GLI3: variants seen among roughly 807,000 people sequenced by gnomAD.
GLI3 encodes GLI family zinc finger 3.
GLI3 carries 20 observed loss-of-function variants against 100.8 expected under a neutral mutation model. The observed-to-expected ratio is 0.20, with a 90% CI of 0.14 to 0.29. GLI3 has a LOEUF of 0.29. Among genes scored for constraint, GLI3 ranks in the 10% least tolerant of loss-of-function variants. GLI3 has a pLI of 1.00. For synonymous variants in GLI3, 938 were observed against 860.5 expected, an observed-to-expected ratio of 1.09 and a Z score of -1.58; for missense variants, 2,040 against 2,128.5, an observed-to-expected ratio of 0.96 and a Z score of 0.82.
intron 2 of GLI3, among the ~76,000 whole-genome samples, chr7:42,208,997 T>G (rs1788210885): frequency 6.6e-6 from 1 of 152,234 alleles, no homozygotes. Context: ...AAAATCTCCC[T>G]GAATTTGTAC....
At chr7:42,101,607 A>T (rs953146923) in intron 3 of GLI3, among the ~76,000 whole-genome samples, 4 of 148,678 alleles carry the variant, frequency 2.7e-5, no homozygotes, top group Non-Finnish European at 6.0e-5. Context: ...CTCTGTCTCA[A>T]TTTTTTTTTT....
At chr7:42,256,527 G>A (rs746797231) in intron 1 of GLI3, among the ~76,000 whole-genome samples, 18 of 152,088 alleles carry the variant, frequency 1.2e-4, no homozygotes, top group Non-Finnish European at 2.4e-4. Flanking sequence ...TGTACCAATC[G>A]TTGAAAAGAC....
chr7:42,259,564 T>C (rs1396969546), intron 1 of GLI3, among the ~76,000 whole-genome samples: 2 of 152,228 alleles, frequency 1.3e-5, no homozygotes, highest in Non-Finnish European at 2.9e-5. Flanking sequence ...AAGTTCACAA[T>C]GTATTGTTTT....
chr7:41,965,029 A>T lies in GLI3; in HGVS notation c.4044T>A (p.Ile1348=). The change falls in exon 15 of 15, where the codon ATT becomes ATA. Residue 1348 remains isoleucine (I), a synonymous_variant. Coordinates refer to ENST00000395925, the MANE Select transcript of GLI3 (RefSeq NM_000168.6). ...AGATGTTGATGTGTGAGGTAGCACT[A>T]ATCTGCCCAAGCATCTGCTGACCGG... ...GRPGQQMLGQ[I]SATSHINIYQ... 1 of 1,613,866 alleles carries T rather than the reference A, an allele frequency of 6.2e-7. No homozygotes were observed. Among genetic ancestry groups the T allele is most frequent in the Non-Finnish European group, 8.5e-7 (1 of 1,179,988 alleles).
intron 6 of GLI3, among the ~76,000 whole-genome samples, chr7:42,043,388 T>C (rs901051918): frequency 1.3e-5 from 2 of 152,176 alleles, no homozygotes; most frequent in African/African-American, 4.8e-5. Context: ...GGACAGTGAT[T>C]TGGGATACTC....
At chr7:42,017,352 G>A (rs1349072384) in intron 10 of GLI3, among the ~76,000 whole-genome samples, 4 of 152,158 alleles carry the variant, frequency 2.6e-5, no homozygotes, top group Non-Finnish European at 4.4e-5. Context: ...ACAGTTACTC[G>A]GAGGAAGATT....
intron 2 of GLI3, 97 bp from the exon 3 acceptor site, chr7:42,148,565 C>T (rs1562758361): frequency 9.4e-6 from 11 of 1,171,416 alleles, no homozygotes; most frequent in South Asian, 1.2e-5. Context: ...ATCCCTCTCC[C>T]GGAAAAGAAG....
upstream of GLI3, among the ~76,000 whole-genome samples, chr7:42,242,294 C>A (rs761503957): frequency 1.3e-5 from 2 of 152,228 alleles, no homozygotes; most frequent in Non-Finnish European, 2.9e-5. Flanking sequence ...GCCACAGTCG[C>A]TACCACTCCC....
Position 42,251,994 on chromosome 7 carries a change from G to A in GLI3, c.-43+12000C>T, listed in dbSNP as rs558872522. Among the ~76,000 whole-genome samples, 46 of 152,150 alleles carry A rather than the reference G, an allele frequency of 3.0e-4. No individual in the cohort carries two copies. In the South Asian group the frequency reaches 3.1e-3, roughly 10 times the overall value. Reference sequence around the variant, plus strand: ...AAAACGGAACTACCATTTGCAATCCGATTACTGGGTATATACCCAAAGGAA... The same window carrying A: ...AAAACGGAACTACCATTTGCAATCCAATTACTGGGTATATACCCAAAGGAA... On this transcript the variant is annotated intron_variant, in intron 1 of 2. Coordinates refer to the GLI3 transcript ENST00000678978.
chr7:42,222,496 A>G (rs1397182262), intron 2 of GLI3, among the ~76,000 whole-genome samples: 1 of 152,234 alleles, frequency 6.6e-6, no homozygotes, highest in Non-Finnish European at 1.5e-5. Flanking sequence ...TTTATTTTCA[A>G]CACTCCATGC....
intron 3 of GLI3, among the ~76,000 whole-genome samples, chr7:42,104,762 G>A (rs138783227): frequency 4.9e-4 from 75 of 152,204 alleles, no homozygotes; most frequent in African/African-American, 1.7e-3. Context: ...TAAGGGTGGA[G>A]CCCTTATGAA....
chr7:42,085,166 T>C (rs1172179596), intron 3 of GLI3, among the ~76,000 whole-genome samples: 2 of 152,024 alleles, frequency 1.3e-5, no homozygotes, highest in African/African-American at 4.8e-5. Context: ...AGAGGAAATG[T>C]TTCCATAAAA....
At chr7:42,131,733 T>G (rs1786281555) in intron 3 of GLI3, among the ~76,000 whole-genome samples, 1 of 152,244 alleles carries the variant, frequency 6.6e-6, no homozygotes, top group African/African-American at 2.4e-5. Flanking sequence ...TTACTCGTTT[T>G]GCTATGAAAA....
intron 12 of GLI3, among the ~76,000 whole-genome samples, chr7:41,973,673 T>A (rs1028301352): frequency 6.6e-6 from 1 of 152,200 alleles, no homozygotes; most frequent in African/African-American, 2.4e-5. Flanking sequence ...GCAGGATTAC[T>A]ATAATGTACC....
At chr7:42,137,204 A>T (rs967544430) in intron 3 of GLI3, among the ~76,000 whole-genome samples, 5 of 152,164 alleles carry the variant, frequency 3.3e-5, no homozygotes, top group African/African-American at 1.2e-4. Context: ...GCTGGCTATC[A>T]TTTCAGCAAG....
intron 10 of GLI3, among the ~76,000 whole-genome samples, chr7:42,002,350 C>T (rs1788326463): frequency 6.6e-6 from 1 of 152,114 alleles, no homozygotes; most frequent in South Asian, 2.1e-4. Context: ...TAGTTGTTCT[C>T]TAACATAATC....
intron 4 of GLI3, among the ~76,000 whole-genome samples, chr7:42,076,381 G>T (rs1784878918): frequency 1.3e-5 from 2 of 152,122 alleles, no homozygotes; most frequent in South Asian, 4.1e-4. Flanking sequence ...CCCAGAACAG[G>T]ACTTTCATGT....
At chr7:42,106,019 T>C (rs1385715402) in intron 3 of GLI3, among the ~76,000 whole-genome samples, 1 of 152,172 alleles carries the variant, frequency 6.6e-6, no homozygotes, top group Non-Finnish European at 1.5e-5. Flanking sequence ...TCATCCTTTT[T>C]GCATTTGGTT....
At chr7:41,980,958 T>C (rs1787649818) in intron 10 of GLI3, among the ~76,000 whole-genome samples, 1 of 152,172 alleles carries the variant, frequency 6.6e-6, no homozygotes, top group Non-Finnish European at 1.5e-5. Flanking sequence ...ATAACAGGGT[T>C]TTATAAAAAC....
Sources: allele counts gnomAD v4.1 joint callset (sites outside exome capture counted in the v4.1 genomes callset), GRCh38; gene constraint gnomAD v4.1.1; transcripts MANE v1.5; gene names NCBI Gene and HGNC (gene_info 2026-07-23, HGNC 2026-07-21).